Variants in WDR3 observed in about 807,000 individuals in gnomAD.
WDR3 encodes the protein WD repeat-containing protein 3.
In WDR3, 81 loss-of-function variants were observed where a neutral mutation model predicts 123.7. That is an observed-to-expected ratio of 0.65 (90% CI 0.55 to 0.79). The LOEUF (loss-of-function observed/expected upper bound fraction) is 0.79. WDR3 is among the 30% of genes least tolerant of loss of function. The pLI, the probability that WDR3 is intolerant of heterozygous loss-of-function variation, is 0.00. For missense variants in WDR3, 1,027 were observed against 1,123.2 expected, an observed-to-expected ratio of 0.91 and a Z score of 1.22; for synonymous variants, 390 against 388.8, an observed-to-expected ratio of 1.00 and a Z score of -0.04.
rs367630541 is a variant in WDR3 at position 117,941,740 on chromosome 1, G to A, written c.892-10G>A. 22 of 1,605,474 alleles carry A rather than the reference G, an allele frequency of 1.4e-5. No homozygotes were observed. The highest frequency in any genetic ancestry group is 1.8e-5 in the Non-Finnish European group (21 of 1,178,130). On this transcript the variant is annotated splice_polypyrimidine_tract_variant and intron_variant, in intron 8 of 26. Coordinates refer to ENST00000349139, the MANE Select transcript of WDR3 (RefSeq NM_006784.3). The stretch of plus-strand genomic sequence containing the variant: ...TCTCCTTGACTCACATTAACCTTTT[G>A]CCTTTCTAGGGAACTGACTCTGTGC...
At chr1:117,937,943 A>G (rs1651003254) in intron 4 of WDR3, among the ~76,000 whole-genome samples, 1 of 152,230 alleles carries the variant, frequency 6.6e-6, no homozygotes, top group Non-Finnish European at 1.5e-5. Flanking sequence ...ACAGTTGCAC[A>G]TTGGATGGGA....
chr1:117,946,775 A>G (rs937939002), intron 12 of WDR3, among the ~76,000 whole-genome samples: 2 of 151,930 alleles, frequency 1.3e-5, no homozygotes, highest in Non-Finnish European at 2.9e-5. Flanking sequence ...CCCTGTCTCT[A>G]CTAAAAATAC....
At chr1:117,941,662 A>G (rs572296032) in intron 8 of WDR3, 88 bp from the exon 9 acceptor site, 6 of 1,499,962 alleles carry the variant, frequency 4.0e-6, no homozygotes, top group South Asian at 1.3e-5. Context: ...AGGGAAGAAA[A>G]ATAAATATTG....
At chr1:117,943,350 G>A (rs939421083) in intron 10 of WDR3, 46 bp from the exon 11 acceptor site, 1 of 1,498,102 alleles carries the variant, frequency 6.7e-7, no homozygotes, top group African/African-American at 1.4e-5. Flanking sequence ...TAAACCTTGT[G>A]AGCTAAGATG....
At chr1:117,958,333 A>G (rs943956966) in intron 25 of WDR3, among the ~76,000 whole-genome samples, 10 of 152,326 alleles carry the variant, frequency 6.6e-5, no homozygotes, top group Non-Finnish European at 1.2e-4. Flanking sequence ...ATATTTAACC[A>G]TGTTACTAAC....
At chr1:117,943,159 G>T (rs1302085169) in intron 10 of WDR3, among the ~76,000 whole-genome samples, 3 of 151,972 alleles carry the variant, frequency 2.0e-5, no homozygotes, top group Admixed American at 6.6e-5. Context: ...CGCCATGTTG[G>T]CCAGGCTGGT....
rs551516026 is a variant in WDR3 at position 117,957,196 on chromosome 1, G to A, written c.2582G>A (p.Arg861Lys). 6.0e-5 allele frequency: 96 copies of A among 1,607,790 alleles called. No individual in the cohort carries two copies. Among genetic ancestry groups the A allele is most frequent in the Non-Finnish European group, 7.5e-5 (88 of 1,177,866 alleles). ...LICRCLFFLL[R>K]IHFGQITSNQ... ...TGCCGGTGCCTCTTCTTCCTCCTTA[G>A]GTAACATCCTTTTCCAAAGAATACC... Residue 861 changes from arginine to lysine, a missense_variant and splice_region_variant, in exon 25 of 27, where the codon AGG becomes AAG. Arg to Lys is a conservative substitution (Grantham distance 26). Coordinates refer to ENST00000349139, the MANE Select transcript of WDR3 (RefSeq NM_006784.3).
chr1:117,933,814 T>C lies in WDR3; in HGVS notation c.171+324T>C, dbSNP rs1207057213. The C allele has an allele frequency of 1.2e-5, 4 of 322,168 alleles. No individual in the cohort carries two copies. The East Asian group carries it at 2.3e-4, about 19-fold the overall frequency. The allele number at this position is 322,168 out of a possible 1,614,324, so 20.0% of individuals were successfully genotyped here. On this transcript the variant is annotated intron_variant, in intron 2 of 26. Coordinates refer to ENST00000349139, the MANE Select transcript of WDR3 (RefSeq NM_006784.3). The stretch of plus-strand genomic sequence containing the variant: ...AATTCTATTTTTCAAGCTCGACTTA[T>C]GCTTATAGCTGGTTATAAAATATTA...
Position 117,960,354 on chromosome 1 carries a change from A to T in WDR3, c.*907A>T, listed in dbSNP as rs956702516. The T allele has an allele frequency of 3.3e-5, 5 of 152,192 alleles. No individual in the cohort carries two copies. Among genetic ancestry groups the T allele is most frequent in the African/African-American group, 1.2e-4 (5 of 41,438 alleles). 9.4% of individuals were successfully genotyped at this position (152,192 alleles called of 1,614,324 possible). On this transcript the variant is annotated 3_prime_UTR_variant, in exon 27 of 27. Transcript: ENST00000349139. ...TATTGTATACTGTATTCTTAAAGTA[A>T]GCTAGAGAAAAGAAAATGTTACTTA...
chr1:117,953,023 T>C, intron 20 of WDR3, 27 bp downstream of exon 20: 4 of 1,609,664 alleles, frequency 2.5e-6, no homozygotes, highest in Non-Finnish European at 3.4e-6. Context: ...GACCTTGAGA[T>C]TATGCCCCAT....
intron 4 of WDR3, 147 bp from the exon 5 acceptor site, chr1:117,938,333 T>A: frequency 1.7e-6 from 1 of 590,782 alleles, no homozygotes; most frequent in Non-Finnish European, 2.9e-6. Context: ...TCTTTGCTTT[T>A]CAAAAGTAAG....
intron 17 of WDR3, 78 bp from the exon 18 acceptor site, chr1:117,952,219 A>G: frequency 6.8e-7 from 1 of 1,463,574 alleles, no homozygotes; most frequent in Admixed American, 1.8e-5. Flanking sequence ...CTAGCTAGTC[A>G]AAAGCTATTT....
Position 117,942,529 on chromosome 1 carries a change from C to T in WDR3, c.1082C>T (p.Thr361Ile), listed in dbSNP as rs1651206535. 1 of 1,613,626 alleles carries T rather than the reference C, an allele frequency of 6.2e-7. No individual in the cohort carries two copies. The highest frequency in any genetic ancestry group is 8.5e-7 in the Non-Finnish European group (1 of 1,179,740). ...ATCCAGCGGGTGACTAATATAAAAA[C>T]TTCTGCCAAAATCAAGTGAGTAAAA... ...DEIQRVTNIKTSAKIKSFDLI... is the reference protein window; with the variant it reads ...DEIQRVTNIKISAKIKSFDLI... The change falls in exon 10 of 27, where the codon ACT becomes ATT. Residue 361 changes from threonine to isoleucine, a missense_variant. Physicochemically the swap from Thr to Ile is moderately conservative, Grantham distance 89 (BLOSUM62 -1). Transcript: ENST00000349139.
At chr1:117,940,696 C>G (rs1651111887) in intron 6 of WDR3, 131 bp from the exon 7 acceptor site, 1 of 810,632 alleles carries the variant, frequency 1.2e-6, no homozygotes, top group Admixed American at 2.4e-5. Flanking sequence ...CCATTGCACT[C>G]CAGCCTGGGC....
rs1651023554 is a variant in WDR3 at position 117,938,559 on chromosome 1, G to C, written c.579+1G>C. ...AACAATGGTTGGCCACCGGACTGAG[G>C]TAAGTGTAGGGTCATGGGCCCAGGG... On this transcript the variant is annotated splice_donor_variant, in intron 5 of 26. Coordinates refer to ENST00000349139, the MANE Select transcript of WDR3 (RefSeq NM_006784.3). LOFTEE classifies it high-confidence loss of function. 1.9e-6 allele frequency: 3 copies of C among 1,613,006 alleles called. No individual in the cohort carries two copies. The highest frequency in any genetic ancestry group is 1.7e-4 in the Middle Eastern group (1 of 6,052).
At chr1:117,947,331 C>G (rs1651446781) in intron 12 of WDR3, among the ~76,000 whole-genome samples, 1 of 152,096 alleles carries the variant, frequency 6.6e-6, no homozygotes, top group South Asian at 2.1e-4. Context: ...CATTATTATT[C>G]CCATAAAACA....
At chr1:117,948,340 C>A in intron 12 of WDR3, 65 bp from the exon 13 acceptor site, 1 of 1,379,300 alleles carries the variant, frequency 7.3e-7, no homozygotes, top group Non-Finnish European at 1.0e-6. Flanking sequence ...CTAAATTGTG[C>A]AGTCATGAAT....
Position 117,936,803 on chromosome 1 carries a change from A to G in WDR3, c.416A>G (p.Glu139Gly), listed in dbSNP as rs1402552323. Residue 139 changes from glutamate to glycine, a missense_variant, in exon 4 of 27, where the codon GAA becomes GGA. Glu to Gly is a moderately conservative substitution (Grantham distance 98). Coordinates refer to ENST00000349139, the MANE Select transcript of WDR3 (RefSeq NM_006784.3). Reference protein sequence around the residue: ...TDIIVWDVINESGLYRLKGHK... With the variant: ...TDIIVWDVINGSGLYRLKGHK... ...ATTATTGTATGGGATGTGATCAATG[A>G]AAGTGGTCTGTACCGTCTAAAGGGG... The G allele has an allele frequency of 3.7e-6, 6 of 1,612,738 alleles. No individual in the cohort carries two copies. The African/African-American group carries it at 8.0e-5, about 22-fold the overall frequency.
intron 1 of WDR3, among the ~76,000 whole-genome samples, chr1:117,930,452 A>G (rs1650670239): frequency 6.6e-6 from 1 of 152,222 alleles, no homozygotes; most frequent in Non-Finnish European, 1.5e-5. Context: ...GGGACGAGGA[A>G]GGAAACTAGC....
Sources: allele counts gnomAD v4.1 joint callset (sites outside exome capture counted in the v4.1 genomes callset), GRCh38; gene constraint gnomAD v4.1.1; transcripts MANE v1.5; gene names NCBI Gene and HGNC (gene_info 2026-07-23, HGNC 2026-07-21).